The following ITGA8 variants were observed in gnomAD, a reference collection of about 807,000 sequenced individuals.
ITGA8 encodes integrin subunit alpha 8, also known as integrin alpha-8.
In ITGA8, 91 loss-of-function variants were observed where a neutral mutation model predicts 142.3. The ratio of observed to expected loss-of-function variants is 0.64; its 90% CI spans 0.54 to 0.76. ITGA8 has a LOEUF of 0.76. Among genes scored for constraint, ITGA8 ranks in the 30% least tolerant of loss-of-function variants. The probability of loss-of-function intolerance (pLI) is 0.00; values close to 1 mark genes in which losing one functional copy is unlikely to be tolerated. For missense variants in ITGA8, 1,406 were observed against 1,327.7 expected (o/e 1.06, Z -0.92); for synonymous variants, 505 against 485.2 (o/e 1.04, Z -0.54).
At chr10:15,631,154 G>C (rs547173119) in intron 13 of ITGA8, among the ~76,000 whole-genome samples, 1 of 152,122 alleles carries the variant, frequency 6.6e-6, no homozygotes, top group South Asian at 2.1e-4. Flanking sequence ...GGAAGACAGT[G>C]TGGCGATTCC....
intron 6 of ITGA8, among the ~76,000 whole-genome samples, chr10:15,676,586 T>G (rs1012062826): frequency 6.6e-6 from 1 of 152,166 alleles, no homozygotes; most frequent in African/African-American, 2.4e-5. Context: ...TCCATGACAG[T>G]AAGAACAATG....
At chr10:15,695,453 C>T (rs1247486999) in intron 2 of ITGA8, among the ~76,000 whole-genome samples, 1 of 152,160 alleles carries the variant, frequency 6.6e-6, no homozygotes, top group Non-Finnish European at 1.5e-5. Flanking sequence ...GGTGCGCTTT[C>T]CCTAATTTCT....
intron 13 of ITGA8, among the ~76,000 whole-genome samples, chr10:15,627,378 C>T (rs548301929): frequency 6.6e-6 from 1 of 152,332 alleles, no homozygotes; most frequent in South Asian, 2.1e-4. Context: ...ACCTGCTTCA[C>T]TCTTTAGTCT....
At chr10:15,672,772 G>T in intron 6 of ITGA8, 23 bp from the exon 7 acceptor site, 1 of 1,565,634 alleles carries the variant, frequency 6.4e-7, no homozygotes. Context: ...AAATTAATAC[G>T]TTAACTGAAT....
chr10:15,649,491 A>G (rs1016838077), intron 11 of ITGA8, among the ~76,000 whole-genome samples: 2 of 151,582 alleles, frequency 1.3e-5, no homozygotes, highest in African/African-American at 2.4e-5. Flanking sequence ...TTAGCTGGGC[A>G]TGGTGGTGGG....
At chr10:15,585,319 C>T (rs774523089) in intron 23 of ITGA8, among the ~76,000 whole-genome samples, 12 of 152,174 alleles carry the variant, frequency 7.9e-5, no homozygotes, top group Non-Finnish European at 1.5e-4. Flanking sequence ...CCTTGTGCCG[C>T]AATTCCCTCA....
chr10:15,643,518 G>C (rs1430299215), intron 13 of ITGA8, among the ~76,000 whole-genome samples: 1 of 152,110 alleles, frequency 6.6e-6, no homozygotes, highest in Non-Finnish European at 1.5e-5. Context: ...GACCTCAACT[G>C]ATCCACCCAC....
At chr10:15,650,721 C>CT (rs921131221) in intron 11 of ITGA8, among the ~76,000 whole-genome samples, 10 of 151,602 alleles carry the variant, frequency 6.6e-5, no homozygotes, top group South Asian at 2.1e-4. Context: ...TTTTCTGTTT[C>CT]TTTTTTTTTC....
At chr10:15,538,642 G>T (rs906452320) in intron 27 of ITGA8, among the ~76,000 whole-genome samples, 1 of 151,112 alleles carries the variant, frequency 6.6e-6, no homozygotes, top group Non-Finnish European at 1.5e-5. Context: ...AAAACTTAAA[G>T]TATAATAATA....
intron 2 of ITGA8, among the ~76,000 whole-genome samples, chr10:15,706,347 C>T (rs1355013616): frequency 2.6e-5 from 4 of 152,156 alleles, no homozygotes; most frequent in African/African-American, 9.7e-5. Flanking sequence ...GCCATACTTC[C>T]CTTTCACCGG....
chr10:15,637,694 G>C (rs1033482796), intron 13 of ITGA8, among the ~76,000 whole-genome samples: 10 of 151,996 alleles, frequency 6.6e-5, no homozygotes, highest in African/African-American at 2.4e-4. Flanking sequence ...TGTATTTTTA[G>C]TAGAGAAAGA....
chr10:15,530,209 A>G (rs1426675124), intron 28 of ITGA8, among the ~76,000 whole-genome samples: 1 of 152,080 alleles, frequency 6.6e-6, no homozygotes, highest in African/African-American at 2.4e-5. Context: ...TTGTTCTGTG[A>G]TAGATGTTTG....
Position 15,655,317 on chromosome 10 carries a change from G to A in ITGA8, c.1001+37C>T, listed in dbSNP as rs1338886317. On this transcript the variant is annotated intron_variant, in intron 11 of 29. Transcript: ENST00000378076. ...AAACATAACATCTTTATGGATGAATGTAATATATTGTATATGAGAGAGGTC... is the reference window on the plus strand; with the variant it reads ...AAACATAACATCTTTATGGATGAATATAATATATTGTATATGAGAGAGGTC... 4.7e-6 allele frequency: 6 copies of A among 1,276,778 alleles called. No homozygotes were observed. In the Admixed American group the frequency reaches 5.5e-5, roughly 12 times the overall value. The allele number at this position is 1,276,778 out of a possible 1,614,324, so 79.1% of individuals were successfully genotyped here.
chr10:15,686,770 T>C (rs7072079), intron 3 of ITGA8, among the ~76,000 whole-genome samples: 16 of 152,364 alleles, frequency 1.1e-4, no homozygotes, highest in African/African-American at 3.6e-4. Context: ...TCACGTATTT[T>C]AGAAAATGCA....
intron 13 of ITGA8, among the ~76,000 whole-genome samples, chr10:15,636,840 G>T (rs1019593709): frequency 2.6e-5 from 4 of 152,148 alleles, no homozygotes; most frequent in Admixed American, 2.0e-4. Flanking sequence ...AACCAGTAAG[G>T]CACAATAGTG....
intron 15 of ITGA8, 35 bp downstream of exon 15, chr10:15,613,625 C>G (rs1008984686): frequency 7.4e-7 from 1 of 1,356,280 alleles, no homozygotes; most frequent in Admixed American, 1.7e-5. Context: ...GATGTGAATT[C>G]ACATTGGAGT....
At chr10:15,661,009 C>G in intron 8 of ITGA8, 87 bp from the exon 9 acceptor site, 1 of 1,236,048 alleles carries the variant, frequency 8.1e-7, no homozygotes. Context: ...GTGGTAAAGA[C>G]AGTGCTTGTA....
At chr10:15,670,096 G>C (rs1459985468) in intron 8 of ITGA8, among the ~76,000 whole-genome samples, 3 of 152,170 alleles carry the variant, frequency 2.0e-5, no homozygotes, top group African/African-American at 7.2e-5. Context: ...GGGAGCTGTA[G>C]ACCAGAGCTG....
intron 1 of ITGA8, 73 bp from the exon 2 acceptor site, chr10:15,718,972 C>G (rs1240539041): frequency 6.2e-7 from 1 of 1,604,712 alleles, no homozygotes; most frequent in Non-Finnish European, 8.5e-7. Context: ...TCTCTGTAAC[C>G]TCCTGCCCGG....
Sources: allele counts gnomAD v4.1 joint callset (sites outside exome capture counted in the v4.1 genomes callset), GRCh38; gene constraint gnomAD v4.1.1; transcripts MANE v1.5; gene names NCBI Gene and HGNC (gene_info 2026-07-23, HGNC 2026-07-21).